GSAP: variants seen among roughly 807,000 people sequenced by gnomAD.
GSAP encodes gamma-secretase activating protein.
In GSAP, 118 loss-of-function variants were observed where a neutral mutation model predicts 131.7. The observed-to-expected ratio is 0.90, with a 90% CI of 0.77 to 1.04. The LOEUF (loss-of-function observed/expected upper bound fraction) is 1.04. GSAP is among the 50% of genes least tolerant of loss of function. The pLI, the probability that GSAP is intolerant of heterozygous loss-of-function variation, is 0.00. For synonymous variants in GSAP, 381 were observed against 363.4 expected (o/e 1.05, Z -0.55); for missense variants, 1,019 against 1,013.2 (o/e 1.01, Z -0.08).
intron 19 of GSAP, among the ~76,000 whole-genome samples, chr7:77,341,041 T>C (rs1012886897): frequency 2.0e-5 from 3 of 152,192 alleles, no homozygotes; most frequent in African/African-American, 4.8e-5. Context: ...GTAACACCGC[T>C]TGGCCCCAAT....
intron 2 of GSAP, 130 bp downstream of exon 2, chr7:77,405,898 GA>G: frequency 3.0e-6 from 1 of 332,076 alleles, no homozygotes; most frequent in South Asian, 4.2e-5. Context: ...CATATGTTAA[GA>G]TTAAATGCCA....
intron 19 of GSAP, among the ~76,000 whole-genome samples, chr7:77,345,488 CCT>C (rs1378460376): frequency 6.6e-6 from 1 of 152,224 alleles, no homozygotes; most frequent in East Asian, 1.9e-4. Context: ...CATCATATCC[CCT>C]GTGACCTGCA....
At chr7:77,376,391 G>C (rs1005475342) in intron 10 of GSAP, among the ~76,000 whole-genome samples, 1 of 152,174 alleles carries the variant, frequency 6.6e-6, no homozygotes, top group African/African-American at 2.4e-5. Flanking sequence ...CCTGGAGGTG[G>C]CAAGAACTAA....
chr7:77,384,400 A>C (rs972173592), intron 6 of GSAP, among the ~76,000 whole-genome samples: 1 of 152,220 alleles, frequency 6.6e-6, no homozygotes, highest in South Asian at 2.1e-4. Flanking sequence ...TCCTAGAGTA[A>C]GGCCTGGAAG....
At chr7:77,386,213 AAG>A (rs1206583823) in intron 6 of GSAP, among the ~76,000 whole-genome samples, 25 of 152,240 alleles carry the variant, frequency 1.6e-4, no homozygotes, top group Non-Finnish European at 8.8e-5. Flanking sequence ...ACATTTTTAA[AAG>A]AAGACTTATC....
At chr7:77,416,568 G>A (rs1011306313), upstream of GSAP, 10 of 359,280 alleles carry the variant, frequency 2.8e-5, no homozygotes, top group Admixed American at 4.8e-5. Context: ...GGGTGGACCA[G>A]GCGCCAGGAC....
intron 9 of GSAP, 44 bp downstream of exon 9, chr7:77,377,237 TAAAAA>T (rs533755073): frequency 1.3e-4 from 117 of 894,160 alleles, no homozygotes; most frequent in East Asian, 6.9e-4. Flanking sequence ...AATATTTTTG[TAAAAA>T]AAAAAAAAAA....
chr7:77,377,976 G>T lies in GSAP; in HGVS notation c.577-586C>A, dbSNP rs563535707. ...CTTCAAGACCTGACTTACACATTGTGTTCTACACAAAGCCTTCCCTCACAT... is the reference window on the plus strand; with the variant it reads ...CTTCAAGACCTGACTTACACATTGTTTTCTACACAAAGCCTTCCCTCACAT... On this transcript the variant is annotated intron_variant, in intron 8 of 30. Transcript: ENST00000257626. Among the ~76,000 whole-genome samples the T allele has an allele frequency of 3.3e-5, 5 of 152,326 alleles. No individual in the cohort carries two copies. The South Asian group carries it at 1.0e-3, about 32-fold the overall frequency.
At chr7:77,387,620 G>A (rs1298888521) in intron 5 of GSAP, among the ~76,000 whole-genome samples, 172 bp from the exon 6 acceptor site, 1 of 152,148 alleles carries the variant, frequency 6.6e-6, no homozygotes, top group African/African-American at 2.4e-5. Context: ...CTGTAAATCT[G>A]TTCCCAGTTC....
chr7:77,389,222 A>ATG (rs1473397733), intron 5 of GSAP, among the ~76,000 whole-genome samples: 9 of 151,412 alleles, frequency 5.9e-5, no homozygotes, highest in Non-Finnish European at 1.3e-4. Context: ...ACCTAAAAGT[A>ATG]TGCGTGTGTG....
At chr7:77,398,161 GAC>G (rs770338539) in intron 3 of GSAP, among the ~76,000 whole-genome samples, 7 of 152,298 alleles carry the variant, frequency 4.6e-5, no homozygotes, top group Non-Finnish European at 8.8e-5. Context: ...AAGGGAAAGA[GAC>G]AGTCTTCGAC....
chr7:77,388,140 CAG>C (rs2151076167), intron 5 of GSAP, among the ~76,000 whole-genome samples: 1 of 152,330 alleles, frequency 6.6e-6, no homozygotes, highest in Non-Finnish European at 1.5e-5. Context: ...ACAAATTCAA[CAG>C]AGACACAGAA....
chr7:77,350,290 G>C (rs1792633732), intron 18 of GSAP, among the ~76,000 whole-genome samples: 1 of 94,310 alleles, frequency 1.1e-5, no homozygotes, highest in Non-Finnish European at 2.1e-5. Flanking sequence ...GGGGGAGGGG[G>C]GAGGGATAGC....
intron 19 of GSAP, among the ~76,000 whole-genome samples, chr7:77,346,957 C>T (rs1157872614): frequency 6.7e-6 from 1 of 149,752 alleles, no homozygotes; most frequent in Non-Finnish European, 1.5e-5. Context: ...GCCCCACCCC[C>T]CTGCCTTTCT....
At chr7:77,346,615 C>T (rs915723796) in intron 19 of GSAP, among the ~76,000 whole-genome samples, 1 of 151,004 alleles carries the variant, frequency 6.6e-6, no homozygotes, top group Non-Finnish European at 1.5e-5. Flanking sequence ...GAGGCTGAAG[C>T]AAGAGGACTG....
intron 5 of GSAP, among the ~76,000 whole-genome samples, chr7:77,390,457 T>G (rs1427042782): frequency 6.6e-6 from 1 of 152,204 alleles, no homozygotes; most frequent in Admixed American, 6.5e-5. Context: ...GAATTAATTT[T>G]TGTATAAGGT....
chr7:77,324,130 T>C (rs1788008376), intron 23 of GSAP, among the ~76,000 whole-genome samples: 1 of 152,188 alleles, frequency 6.6e-6, no homozygotes, highest in Middle Eastern at 3.2e-3. Flanking sequence ...ATATATAGAA[T>C]GACTGAGCCA....
intron 5 of GSAP, among the ~76,000 whole-genome samples, chr7:77,389,232 G>T (rs145948834): frequency 2.0e-5 from 3 of 151,756 alleles, no homozygotes; most frequent in African/African-American, 7.3e-5. Flanking sequence ...ATGCGTGTGT[G>T]TATGTATGTG....
chr7:77,383,147 A>G (rs1798036671), intron 6 of GSAP, among the ~76,000 whole-genome samples: 1 of 152,210 alleles, frequency 6.6e-6, no homozygotes, highest in Admixed American at 6.5e-5. Context: ...AGATCATGCC[A>G]CTATACTCTA....
Sources: gnomAD v4.1 joint callset for allele counts (sites outside exome capture counted in the v4.1 genomes callset) on GRCh38, gnomAD v4.1.1 for gene constraint, MANE v1.5 for transcripts, NCBI Gene and HGNC (gene_info 2026-07-23, HGNC 2026-07-21) for gene names.